The following PNMA8B variants were observed in gnomAD, a reference collection of about 807,000 sequenced individuals.
PNMA8B encodes paraneoplastic antigen-like protein 8B.
For missense variants in PNMA8B, 887 were observed against 885.8 expected (o/e 1.00, Z -0.02); for synonymous variants, 386 against 394.9 (o/e 0.98, Z 0.27).
chr19:46,495,423 C>A lies in PNMA8B; in HGVS notation c.43G>T (p.Val15Leu). Residue 15 changes from valine (V) to leucine (L), a missense_variant, in exon 1 of 1, where the codon GTG (valine) becomes TTG (leucine). Coordinates refer to ENST00000599531, the MANE Select transcript of PNMA8B (RefSeq NM_020709.3). ...ACCAGCAGGGCCCTGTGCGCGTCCA[C>A]GTCCAGGCTCCGGCACCAGTCCTGC... ...LLQDWCRSLD[V>L]DAHRALLVTG... 2 of 1,516,454 alleles carry A rather than the reference C, an allele frequency of 1.3e-6. No individual in the cohort carries two copies. The highest frequency in any genetic ancestry group is 1.8e-6 in the Non-Finnish European group (2 of 1,092,142). The allele number at this position is 1,516,454 out of a possible 1,614,324, so 93.9% of individuals were successfully genotyped here. A position where few individuals can be genotyped will look rare whatever the true frequency, so the allele number is the denominator to read the frequency against.
rs759578621 is a variant in PNMA8B, at chr19:46,494,630, C to A, written c.836G>T (p.Arg279Leu). Residue 279 changes from arginine (R) to leucine (L), a missense_variant, in exon 1 of 1, where the codon CGC becomes CTC. By Grantham distance (102) the Arg-to-Leu change is moderately radical. Transcript: ENST00000599531. ...ATTTTTGTCTTCTTTGGTGTTCAAG[C>A]GGATGGATTCGGCCCCAGCTGGCTC... ...EKEPAGAESI[R>L]LNTKEDKNGV... The A allele has an allele frequency of 2.5e-6, 4 of 1,614,008 alleles. No homozygotes were observed. The highest frequency in any genetic ancestry group is 1.1e-5 in the South Asian group (1 of 91,090).
chr19:46,492,247 T>C lies in PNMA8B; in HGVS notation c.*1311A>G, dbSNP rs1049629243. The C allele has an allele frequency of 8.2e-6, 3 of 364,372 alleles. No individual in the cohort carries two copies. Among genetic ancestry groups the C allele is most frequent in the Non-Finnish European group, 1.7e-5 (3 of 175,558 alleles). 22.6% of individuals were successfully genotyped at this position (364,372 alleles called of 1,614,324 possible). On this transcript the variant is annotated 3_prime_UTR_variant, in exon 1 of 1. Transcript: ENST00000599531. ...AAATTGGGACGAGGAAGCACACACA[T>C]TGCCCCAGGGACAAGAAGGCATGAA...
Position 46,494,449 on chromosome 19 carries a change from G to C in PNMA8B, c.1017C>G (p.Thr339=). 1 of 1,613,990 alleles carries C rather than the reference G, an allele frequency of 6.2e-7. No homozygotes were observed. The highest frequency in any genetic ancestry group is 8.5e-7 in the Non-Finnish European group (1 of 1,179,910). ...CCCGGGCCCAGGGGTCCGACGGGTC[G>C]GTATAGGCCACAATGGCCACGAACT... ...NPEFVAIVAY[T]DPSDPWAREE... The change falls in exon 1 of 1, where the codon ACC becomes ACG. Residue 339 remains threonine (T), a synonymous_variant. Coordinates refer to ENST00000599531, the MANE Select transcript of PNMA8B (RefSeq NM_020709.3).
chr19:46,495,433 C>A lies in PNMA8B; in HGVS notation c.33G>T (p.Arg11=). 1 of 1,561,106 alleles carries A rather than the reference C, an allele frequency of 6.4e-7. No individual in the cohort carries two copies. Among genetic ancestry groups the A allele is most frequent in the Non-Finnish European group, 8.8e-7 (1 of 1,132,982 alleles). Residue 11 remains arginine, a synonymous_variant, in exon 1 of 1, where the codon CGG becomes CGT. Transcript: ENST00000599531. MAMSLLQDWC[R]SLDVDAHRAL... The stretch of plus-strand genomic sequence containing the variant: ...CCCTGTGCGCGTCCACGTCCAGGCT[C>A]CGGCACCAGTCCTGCAAAAGGCTCA...
chr19:46,493,899 A>G lies in PNMA8B; in HGVS notation c.1567T>C (p.Ser523Pro), dbSNP rs777005893. The G allele has an allele frequency of 3.2e-6, 5 of 1,556,656 alleles. No homozygotes were observed. Among genetic ancestry groups the G allele is most frequent in the Non-Finnish European group, 4.3e-6 (5 of 1,152,598 alleles). The change falls in exon 1 of 1, where the codon TCG becomes CCG. Residue 523 changes from serine (S) to proline (P), a missense_variant. Coordinates refer to ENST00000599531, the MANE Select transcript of PNMA8B (RefSeq NM_020709.3). The surrounding 1 kb of genome is among the most constrained non-coding windows in gnomAD (Gnocchi z 5.3). ...CTGGATGCCCTGTCCTCCGGCTCCG[A>G]CGCCTCGCTCTCGGTGTCCTCCGAC... The part of the protein sequence containing the change: ...EESEDTESEA[S>P]EPEDRASRKP...
Position 46,492,187 on chromosome 19 carries a change from C to A in PNMA8B, c.*1371G>T. The A allele has an allele frequency of 2.4e-6, 1 of 414,672 alleles. No homozygotes were observed. The highest frequency in any genetic ancestry group is 4.9e-6 in the Non-Finnish European group (1 of 204,888). 25.7% of individuals were successfully genotyped at this position (414,672 alleles called of 1,614,324 possible). A position where few individuals can be genotyped will look rare whatever the true frequency, so the allele number is the denominator to read the frequency against. On this transcript the variant is annotated 3_prime_UTR_variant, in exon 1 of 1. Coordinates refer to ENST00000599531, the MANE Select transcript of PNMA8B (RefSeq NM_020709.3). ...CCCAGGGACAAGTGGGGCAGGGCCC[C>A]CTGGCACGATGGGCTCCTCACTGCC...
At position 46,493,643 on chromosome 19, in the gene PNMA8B, G is replaced by A. The variant is rs927792691; in HGVS notation, c.1823C>T (p.Ala608Val). The A allele has an allele frequency of 1.3e-6, 2 of 1,534,054 alleles. No individual in the cohort carries two copies. Among genetic ancestry groups the A allele is most frequent in the East Asian group, 2.5e-5 (1 of 39,392 alleles). The change falls in exon 1 of 1, where the codon GCC becomes GTC. Residue 608 changes from alanine to valine, a missense_variant. Ala to Val is a moderately conservative substitution (Grantham distance 64). Transcript: ENST00000599531. The surrounding 1 kb of genome is among the most constrained non-coding windows in gnomAD (Gnocchi z 5.3). Reference sequence around the variant, plus strand: ...GGATCCAGTGGGCGCCTGGCCCTTGGCCTCGCCTGCCCTGGCATGGGCCCC... The same window carrying A: ...GGATCCAGTGGGCGCCTGGCCCTTGACCTCGCCTGCCCTGGCATGGGCCCC... The part of the protein sequence containing the change: ...GAGAHARAGE[A>V]KGQAPTGSKA...
In PNMA8B at chr19:46,493,372, G is replaced by C. The variant is rs1002989164; in HGVS notation, c.*186C>G. 2 of 413,314 alleles carry C rather than the reference G, an allele frequency of 4.8e-6. No individual in the cohort carries two copies. Among genetic ancestry groups the C allele is most frequent in the African/African-American group, 4.1e-5 (2 of 48,710 alleles). The allele number at this position is 413,314 out of a possible 1,614,324, so 25.6% of individuals were successfully genotyped here. A position where few individuals can be genotyped will look rare whatever the true frequency, so the allele number is the denominator to read the frequency against. On this transcript the variant is annotated 3_prime_UTR_variant, in exon 1 of 1. Coordinates refer to ENST00000599531, the MANE Select transcript of PNMA8B (RefSeq NM_020709.3). The surrounding 1 kb of genome is among the most constrained non-coding windows in gnomAD (Gnocchi z 5.3). ...CCGGGCTTCCTCCGTCGGGATCGCT[G>C]GCGCCCCCGGCCTGCGAGGGCCCGA...
In PNMA8B at chr19:46,493,630, C is replaced by A. The variant is rs767628934; in HGVS notation, c.1836G>T (p.Ala612=). 6 of 1,533,038 alleles carry A rather than the reference C, an allele frequency of 3.9e-6. No individual in the cohort carries two copies. The highest frequency in any genetic ancestry group is 3.6e-5 in the South Asian group (3 of 82,872). 95.0% of individuals were successfully genotyped at this position (1,533,038 alleles called of 1,614,324 possible). ...CGCGCGCGGCCTTGGATCCAGTGGG[C>A]GCCTGGCCCTTGGCCTCGCCTGCCC... is the stretch of plus-strand genomic sequence containing the variant. The part of the protein sequence containing the change: ...HARAGEAKGQ[A]PTGSKAARGK... Residue 612 remains alanine, a synonymous_variant, in exon 1 of 1, where the codon GCG becomes GCT. Coordinates refer to ENST00000599531, the MANE Select transcript of PNMA8B (RefSeq NM_020709.3). The surrounding 1 kb of genome is among the most constrained non-coding windows in gnomAD (Gnocchi z 5.3).
In PNMA8B at chr19:46,492,423, GC is replaced by G. The variant is rs1970017326; in HGVS notation, c.*1134del. On this transcript the variant is annotated 3_prime_UTR_variant, in exon 1 of 1. Coordinates refer to ENST00000599531, the MANE Select transcript of PNMA8B (RefSeq NM_020709.3). ...CAGGTTGTGAAGCCTCACAGCACCG[GC>G]CCGCCTACTCTGGAACCTCCAGGGC... The G allele has an allele frequency of 5.3e-6, 1 of 189,696 alleles. No homozygotes were observed. The highest frequency in any genetic ancestry group is 6.0e-5 in the Admixed American group (1 of 16,758). 11.8% of individuals were successfully genotyped at this position (189,696 alleles called of 1,614,324 possible).
Position 46,494,744 on chromosome 19 carries a change from C to A in PNMA8B, c.722G>T (p.Cys241Phe), listed in dbSNP as rs1229712586. The A allele has an allele frequency of 6.2e-7, 1 of 1,613,848 alleles. No individual in the cohort carries two copies. Among genetic ancestry groups the A allele is most frequent in the Non-Finnish European group, 8.5e-7 (1 of 1,179,892 alleles). ...ACCGTCTTCTTCCCCCTCGGAGTTG[C>A]AGGGCGCCCACTGCCTAACCAGCTC... Reference protein sequence around the residue: ...ARELVRQWAPCNSEGEEDGPR... With the variant: ...ARELVRQWAPFNSEGEEDGPR... The change falls in exon 1 of 1, where the codon TGC becomes TTC. Residue 241 changes from cysteine to phenylalanine, a missense_variant. Transcript: ENST00000599531.
In PNMA8B at chr19:46,494,782, C is replaced by G. The variant is rs1250952868; in HGVS notation, c.684G>C (p.Gln228His). The G allele has an allele frequency of 6.2e-7, 1 of 1,613,782 alleles. No homozygotes were observed. The highest frequency in any genetic ancestry group is 2.2e-5 in the East Asian group (1 of 44,884). Residue 228 changes from glutamine (Q) to histidine (H), a missense_variant, in exon 1 of 1, where the codon CAG becomes CAC. By Grantham distance (24) the Gln-to-His change is conservative. Coordinates refer to ENST00000599531, the MANE Select transcript of PNMA8B (RefSeq NM_020709.3). ...GCCTAACCAGCTCCCTGGCAGCGGC[C>G]TGCAGCGTGGCGTACAGCGCGCTCT... ...EDQSALYATL[Q>H]AAARELVRQW...
rs1970027665 is a variant in PNMA8B at position 46,493,055 on chromosome 19, C to G, written c.*503G>C. On this transcript the variant is annotated 3_prime_UTR_variant, in exon 1 of 1. Coordinates refer to ENST00000599531, the MANE Select transcript of PNMA8B (RefSeq NM_020709.3). This position sits in a 1 kb window ranked among gnomAD's most constrained non-coding sequence, Gnocchi z 5.3. Reference sequence around the variant, plus strand: ...TCCCCTGGCTGGGAGCTGGGGCCTCCCCTGGCTGAGAGTTGCGCCCTGACA... The same window carrying G: ...TCCCCTGGCTGGGAGCTGGGGCCTCGCCTGGCTGAGAGTTGCGCCCTGACA... 1 of 156,142 alleles carries G rather than the reference C, an allele frequency of 6.4e-6. No individual in the cohort carries two copies. The highest frequency in any genetic ancestry group is 2.4e-5 in the African/African-American group (1 of 41,602). The allele number at this position is 156,142 out of a possible 1,614,324, so 9.7% of individuals were successfully genotyped here.
chr19:46,493,659 C>A lies in PNMA8B; in HGVS notation c.1807G>T (p.Ala603Ser). 6.5e-7 allele frequency: 1 copy of A among 1,534,908 alleles called. No homozygotes were observed. Among genetic ancestry groups the A allele is most frequent in the Non-Finnish European group, 8.7e-7 (1 of 1,149,846 alleles). ...KKGSAGAGAHARAGEAKGQAP... is the reference protein window; with the variant it reads ...KKGSAGAGAHSRAGEAKGQAP... ...TGGCCCTTGGCCTCGCCTGCCCTGG[C>A]ATGGGCCCCGGCGCCCGCGCTCCCC... The change falls in exon 1 of 1, where the codon GCC becomes TCC. Residue 603 changes from alanine (A) to serine (S), a missense_variant. Transcript: ENST00000599531. The surrounding 1 kb of genome is among the most constrained non-coding windows in gnomAD (Gnocchi z 5.3).
rs1381338017 is a variant in PNMA8B at position 46,494,713 on chromosome 19, G to C, written c.753C>G (p.Arg251=). The C allele has an allele frequency of 6.2e-7, 1 of 1,613,882 alleles. No homozygotes were observed. The highest frequency in any genetic ancestry group is 8.5e-7 in the Non-Finnish European group (1 of 1,179,904). Residue 251 remains arginine (R), a synonymous_variant, in exon 1 of 1, where the codon CGC becomes CGG. Coordinates refer to ENST00000599531, the MANE Select transcript of PNMA8B (RefSeq NM_020709.3). ...CNSEGEEDGP[R]EFLALVTVTD... is the part of the protein sequence containing the mutation. The stretch of plus-strand genomic sequence containing the variant: ...TGACGGTGACCAGAGCCAAGAACTC[G>C]CGGGGACCGTCTTCTTCCCCCTCGG...
At position 46,492,126 on chromosome 19, in the gene PNMA8B, G is replaced by C. The variant is rs1315508184; in HGVS notation, c.*1432C>G. On this transcript the variant is annotated 3_prime_UTR_variant, in exon 1 of 1. Transcript: ENST00000599531. The stretch of plus-strand genomic sequence containing the variant: ...ACATAGGACTGGGACAGTCTGGTCT[G>C]GACTGTGAGGTCACACCCAAACCCT... 4.5e-6 allele frequency: 2 copies of C among 443,622 alleles called. No homozygotes were observed. Among genetic ancestry groups the C allele is most frequent in the Admixed American group, 4.8e-5 (2 of 41,482 alleles). 27.5% of individuals were successfully genotyped at this position (443,622 alleles called of 1,614,324 possible).
Position 46,493,872 on chromosome 19 carries a change from TCCTGGATGC to T in PNMA8B, c.1585_1593del (p.Ala529_Arg531del). The T allele has an allele frequency of 6.5e-7, 1 of 1,529,484 alleles. No individual in the cohort carries two copies. Among genetic ancestry groups the T allele is most frequent in the South Asian group, 1.3e-5 (1 of 79,820 alleles). 94.7% of individuals were successfully genotyped at this position (1,529,484 alleles called of 1,614,324 possible). On this transcript the variant is annotated inframe_deletion, in exon 1 of 1. Transcript: ENST00000599531. This position sits in a 1 kb window ranked among gnomAD's most constrained non-coding sequence, Gnocchi z 5.3. ...GTGCGCGCCCTCTTGGCCCGGGGCTTCCTGGATGCCCTGTCCTCCGGCTCCGACGCCTCG... is the reference window on the plus strand; with the variant it reads ...GTGCGCGCCCTCTTGGCCCGGGGCTTCCTGTCCTCCGGCTCCGACGCCTCG...
chr19:46,494,865 T>C lies in PNMA8B; in HGVS notation c.601A>G (p.Ser201Gly). ...ATCTCCTCGATCACGATGCCCAGGC[T>C]CTCGTCGGAAGAGTCCTCGGCCTCA... ...RSEAEDSSDE[S>G]LGIVIEEIDQ... is the part of the protein sequence containing the mutation. The change falls in exon 1 of 1, where the codon AGC becomes GGC. Residue 201 changes from serine to glycine, a missense_variant. By Grantham distance (56) the Ser-to-Gly change is moderately conservative. Transcript: ENST00000599531. 1 of 1,613,080 alleles carries C rather than the reference T, an allele frequency of 6.2e-7. No homozygotes were observed. The highest frequency in any genetic ancestry group is 1.1e-5 in the South Asian group (1 of 91,088).
rs1970060936 is a variant in PNMA8B at position 46,494,544 on chromosome 19, C to CCACCGG, written c.916_921dup (p.Pro306_Val307dup). 3 of 1,614,080 alleles carry CCACCGG rather than the reference C, an allele frequency of 1.9e-6. No homozygotes were observed. Among genetic ancestry groups the CCACCGG allele is most frequent in the Non-Finnish European group, 1.7e-6 (2 of 1,179,904 alleles). On this transcript the variant is annotated inframe_insertion, in exon 1 of 1. Transcript: ENST00000599531. Reference sequence around the variant, plus strand: ...GAGTCGCTCTCCGAAGTGTCGCTGTCCACCGGCTCCTCGTCCGGGGTGTCT... The same window carrying CCACCGG: ...GAGTCGCTCTCCGAAGTGTCGCTGTCCACCGGCACCGGCTCCTCGTCCGGGGTGTCT...
Sources: allele counts gnomAD v4.1 joint callset, GRCh38; gene constraint gnomAD v4.1.1; non-coding constraint Gnocchi (gnomAD v3.1); transcripts MANE v1.5; gene names NCBI Gene and HGNC (gene_info 2026-07-23, HGNC 2026-07-21).